FMN1: variants seen among roughly 807,000 people sequenced by gnomAD.
The protein encoded by FMN1 is formin-1.
In FMN1, 110 loss-of-function variants were observed where a neutral mutation model predicts 132.4. That is an observed-to-expected ratio of 0.83 (90% CI 0.71 to 0.97). The LOEUF is 0.97. Among genes scored for constraint, FMN1 ranks in the 50% least tolerant of loss-of-function variants. The probability of loss-of-function intolerance (pLI) is 0.00; values close to 1 mark genes in which losing one functional copy is unlikely to be tolerated. For missense variants in FMN1, 1,792 were observed against 1,705.3 expected, an observed-to-expected ratio of 1.05 and a Z score of -0.90; for synonymous variants, 722 against 651.7, an observed-to-expected ratio of 1.11 and a Z score of -1.64.
chr15:33,149,777 C>T (rs1316437771), intron 4 of FMN1: 14 of 983,682 alleles, frequency 1.4e-5, no homozygotes, highest in East Asian at 1.1e-4. Flanking sequence ...CTATTAATGT[C>T]GTGACGCTTC....
At chr15:33,020,477 G>A (rs1048730301) in intron 6 of FMN1, among the ~76,000 whole-genome samples, 12 of 152,098 alleles carry the variant, frequency 7.9e-5, no homozygotes, top group Admixed American at 2.0e-4. Context: ...GTGAAACCCC[G>A]TCTCTACTAA....
intron 6 of FMN1, among the ~76,000 whole-genome samples, chr15:33,050,588 T>C (rs936233495): frequency 4.6e-5 from 7 of 152,214 alleles, no homozygotes; most frequent in Non-Finnish European, 1.0e-4. Context: ...ACCCATTACA[T>C]AGGCATAAAT....
intron 19 of FMN1, among the ~76,000 whole-genome samples, chr15:32,782,308 TTTTG>T (rs2056691402): frequency 1.3e-5 from 2 of 152,346 alleles, no homozygotes; most frequent in East Asian, 3.9e-4. Context: ...CATTGATAAC[TTTTG>T]TTTTTCTGAC....
chr15:33,008,320 GA>G (rs954785092), intron 6 of FMN1, among the ~76,000 whole-genome samples: 3 of 149,664 alleles, frequency 2.0e-5, no homozygotes, highest in Non-Finnish European at 4.5e-5. Flanking sequence ...AGGGTTAAAA[GA>G]AAAAAAAAGG....
At chr15:33,030,197 A>G (rs1169748181) in intron 6 of FMN1, among the ~76,000 whole-genome samples, 1 of 152,208 alleles carries the variant, frequency 6.6e-6, no homozygotes, top group Non-Finnish European at 1.5e-5. Context: ...TGTTAAGTAA[A>G]TATAAGAGCC....
chr15:32,969,686 A>G (rs1169069915), intron 7 of FMN1, among the ~76,000 whole-genome samples: 2 of 152,154 alleles, frequency 1.3e-5, no homozygotes, highest in Non-Finnish European at 1.5e-5. Context: ...TCAAAGCACA[A>G]TTTCAACCAG....
chr15:32,991,215 C>G (rs1168378427), intron 7 of FMN1, among the ~76,000 whole-genome samples: 1 of 152,158 alleles, frequency 6.6e-6, no homozygotes, highest in African/African-American at 2.4e-5. Context: ...AATGCCACCT[C>G]TTTCTTCCCA....
rs371827930 is a variant in FMN1 at position 33,155,089 on chromosome 15, G to A, written c.-131-44C>T. 50 of 578,868 alleles carry A rather than the reference G, an allele frequency of 8.6e-5. 1 individual carries two copies. The highest frequency in any genetic ancestry group is 5.6e-4 in the African/African-American group (30 of 53,620). 35.9% of individuals were successfully genotyped at this position (578,868 alleles called of 1,614,324 possible). ...AAGAAAGCAGCTTGTCTAACAGAGT[G>A]CATAAATCACACACCAACATAAAAT... On this transcript the variant is annotated intron_variant, in intron 3 of 20. Coordinates refer to ENST00000616417, the MANE Select transcript of FMN1 (RefSeq NM_001277313.2).
In FMN1 at chr15:32,908,487, T is replaced by C. The variant is rs1231647525; in HGVS notation, c.3377+3A>G. The C allele has an allele frequency of 1.9e-6, 3 of 1,598,582 alleles. No individual in the cohort carries two copies. Among genetic ancestry groups the C allele is most frequent in the Non-Finnish European group, 2.6e-6 (3 of 1,166,662 alleles). On this transcript the variant is annotated splice_donor_region_variant and intron_variant, in intron 12 of 20. Transcript: ENST00000616417. ...CTAACAGAAAAATGTTAAGTATCCT[T>C]ACTGCTCAGGTTTATCCAGCAGCTT...
At chr15:33,043,412 T>TG (rs1364409741) in intron 6 of FMN1, among the ~76,000 whole-genome samples, 1 of 152,226 alleles carries the variant, frequency 6.6e-6, no homozygotes, top group Non-Finnish European at 1.5e-5. Context: ...CCAACCCAGT[T>TG]GTTCCTGTGT....
At chr15:32,789,296 A>C (rs2056987159) in intron 19 of FMN1, among the ~76,000 whole-genome samples, 1 of 152,164 alleles carries the variant, frequency 6.6e-6, no homozygotes, top group African/African-American at 2.4e-5. Flanking sequence ...AAACCCCCAA[A>C]ATTCTGGAGA....
chr15:33,074,607 A>G lies in FMN1; in HGVS notation c.2044-9533T>C, dbSNP rs185589787. Among the ~76,000 whole-genome samples the G allele has an allele frequency of 2.6e-5, 4 of 152,346 alleles. No individual in the cohort carries two copies. In the East Asian group the frequency reaches 7.7e-4, roughly 29 times the overall value. On this transcript the variant is annotated intron_variant, in intron 5 of 20. Coordinates refer to ENST00000616417, the MANE Select transcript of FMN1 (RefSeq NM_001277313.2). ...TTGAATATAGATAACAAACTAGAAGAATCTAAAAGGAAAGGAGAAAGGCTG... is the reference window on the plus strand; with the variant it reads ...TTGAATATAGATAACAAACTAGAAGGATCTAAAAGGAAAGGAGAAAGGCTG...
Position 32,968,737 on chromosome 15 carries a change from A to G in FMN1, c.2964T>C (p.Thr988=), listed in dbSNP as rs1198481343. The change falls in exon 8 of 21, where the codon ACT becomes ACC. Residue 988 remains threonine (T), a synonymous_variant. Transcript: ENST00000616417. The part of the protein sequence containing the change: ...PSCPMKPLYW[T]RIQISDRSQN... ...ACCTCCTATCACTTATTTGTATCCTAGTCCAATATAAAGGCTTCATGGGAC... is the reference window on the plus strand; with the variant it reads ...ACCTCCTATCACTTATTTGTATCCTGGTCCAATATAAAGGCTTCATGGGAC... 6 of 1,613,364 alleles carry G rather than the reference A, an allele frequency of 3.7e-6. No individual in the cohort carries two copies. The highest frequency in any genetic ancestry group is 5.1e-6 in the Non-Finnish European group (6 of 1,179,616).
At chr15:32,977,045 A>G (rs1316556739) in intron 7 of FMN1, among the ~76,000 whole-genome samples, 1 of 152,250 alleles carries the variant, frequency 6.6e-6, no homozygotes, top group South Asian at 2.1e-4. Context: ...TTCTGCCTTA[A>G]TATTTTGAAT....
At position 32,840,566 on chromosome 15, in the gene FMN1, G is replaced by A. The variant is rs565498122; in HGVS notation, c.3928+16449C>T. On this transcript the variant is annotated intron_variant, in intron 17 of 20. Coordinates refer to ENST00000616417, the MANE Select transcript of FMN1 (RefSeq NM_001277313.2). ...GTAGCTGTGTGAAAGGCATTTTAGA[G>A]CATGTGGGATTCCACACACAGGCAA... Among the ~76,000 whole-genome samples the A allele has an allele frequency of 5.9e-5, 9 of 152,350 alleles. No homozygotes were observed. In the South Asian group the frequency reaches 1.9e-3, roughly 32 times the overall value.
intron 17 of FMN1, among the ~76,000 whole-genome samples, chr15:32,828,578 G>A (rs1315016313): frequency 1.3e-5 from 2 of 151,740 alleles, no homozygotes; most frequent in African/African-American, 2.4e-5. Context: ...TAACAATTTG[G>A]ATAATAGTAC....
At chr15:33,009,063 G>T (rs921709194) in intron 6 of FMN1, among the ~76,000 whole-genome samples, 1 of 152,212 alleles carries the variant, frequency 6.6e-6, no homozygotes. Flanking sequence ...CGCCAGAAAA[G>T]TAGTGTTGCT....
chr15:33,130,793 T>C (rs1187399064), intron 4 of FMN1, among the ~76,000 whole-genome samples: 4 of 152,212 alleles, frequency 2.6e-5, no homozygotes, highest in African/African-American at 9.6e-5. Flanking sequence ...TATTAAGATG[T>C]TTTGATTTAA....
At position 32,772,396 on chromosome 15, in the gene FMN1, G is replaced by A. The variant is rs1041675679; in HGVS notation, c.*1914C>T. 1 of 152,156 alleles carries A rather than the reference G, an allele frequency of 6.6e-6. No homozygotes were observed. Among genetic ancestry groups the A allele is most frequent in the African/African-American group, 2.4e-5 (1 of 41,434 alleles). 9.4% of individuals were successfully genotyped at this position (152,156 alleles called of 1,614,324 possible). A position where few individuals can be genotyped will look rare whatever the true frequency, so the allele number is the denominator to read the frequency against. On this transcript the variant is annotated 3_prime_UTR_variant, in exon 21 of 21. Coordinates refer to ENST00000616417, the MANE Select transcript of FMN1 (RefSeq NM_001277313.2). The stretch of plus-strand genomic sequence containing the variant: ...GAATTATATGGCATGGGTAAAACTG[G>A]CACTTTTCTTGTGCATGATAACACT...
Sources: allele counts gnomAD v4.1 joint callset (sites outside exome capture counted in the v4.1 genomes callset), GRCh38; gene constraint gnomAD v4.1.1; transcripts MANE v1.5; gene names NCBI Gene and HGNC (gene_info 2026-07-23, HGNC 2026-07-21).